MYSM1: variants seen among roughly 807,000 people sequenced by gnomAD.
The protein encoded by MYSM1 is deubiquitinase MYSM1.
Under a neutral mutation model 116.0 loss-of-function variants are expected in MYSM1, and 51 were observed. The observed-to-expected ratio is 0.44, with a 90% CI of 0.35 to 0.56. MYSM1 has a LOEUF of 0.56. Ranked by LOEUF, MYSM1 falls within the 20% of genes least tolerant of loss-of-function variation. The pLI is 0.00. For missense variants in MYSM1, 900 were observed against 974.9 expected, an observed-to-expected ratio of 0.92 and a Z score of 1.02; for synonymous variants, 313 against 315.2, an observed-to-expected ratio of 0.99 and a Z score of 0.07.
In MYSM1 at chr1:58,660,156, C is replaced by A; in HGVS notation, c.2329-1G>T. ...GAGTCTTCCTCATACACTCCAAAAG[C>A]TAGTTGAAAAGAAAAGTTTTATATT... On this transcript the variant is annotated splice_acceptor_variant, in intron 19 of 19. Transcript: ENST00000472487. LOFTEE classifies it high-confidence loss of function. 1.3e-6 allele frequency: 2 copies of A among 1,535,840 alleles called. No homozygotes were observed. The highest frequency in any genetic ancestry group is 2.5e-5 in the South Asian group (2 of 78,924).
At position 58,665,024 on chromosome 1, in the gene MYSM1, C is replaced by A. The variant is rs541187866; in HGVS notation, c.2164+475G>T. Among the ~76,000 whole-genome samples the A allele has an allele frequency of 5.1e-4, 77 of 152,270 alleles. 2 individuals are homozygous for A. The South Asian group carries it at 0.015, about 29-fold the overall frequency. On this transcript the variant is annotated intron_variant, in intron 17 of 19. Coordinates refer to ENST00000472487, the MANE Select transcript of MYSM1 (RefSeq NM_001085487.3). The stretch of plus-strand genomic sequence containing the variant: ...AAGTCAGATGATGGTCTATGCCAAC[C>A]AAATTCTTTCCTGAGATAGAATGGG...
At chr1:58,680,226 G>C (rs983757131) in intron 8 of MYSM1, among the ~76,000 whole-genome samples, 1 of 152,258 alleles carries the variant, frequency 6.6e-6, no homozygotes, top group Admixed American at 6.5e-5. Flanking sequence ...GAATAAAAGA[G>C]TGATTTACAG....
chr1:58,699,771 C>T (rs1266079952), intron 1 of MYSM1: 1 of 985,332 alleles, frequency 1.0e-6, no homozygotes, highest in Admixed American at 6.1e-5. Flanking sequence ...AAGGTGAAAG[C>T]GACCCAGGAG....
intron 5 of MYSM1, chr1:58,689,340 TA>T (rs998526805): frequency 2.2e-6 from 1 of 447,486 alleles, no homozygotes; most frequent in Non-Finnish European, 3.9e-6. Flanking sequence ...CCAAAAGACA[TA>T]ATCCTTGGGT....
chr1:58,689,137 T>G (rs1644869123), intron 5 of MYSM1, 21 bp from the exon 6 acceptor site: 2 of 1,575,618 alleles, frequency 1.3e-6, no homozygotes, highest in Non-Finnish European at 8.6e-7. Flanking sequence ...AAAAAGGAAT[T>G]GCAAAAAAAA....
Position 58,667,896 on chromosome 1 carries a change from A to C in MYSM1, c.1793T>G (p.Val598Gly). 1 of 1,612,864 alleles carries C rather than the reference A, an allele frequency of 6.2e-7. No individual in the cohort carries two copies. The change falls in exon 15 of 20, where the codon GTG becomes GGG. Residue 598 changes from valine (V) to glycine (G), a missense_variant. Around this residue, in one of 3 missense-constraint regions of MYSM1, gnomAD observed 92 missense variants for 155.0 expected, o/e 0.59. Transcript: ENST00000472487. ...DLHAHVSMAE[V>G]IGLLGGRYSE... ...GTATCTTCCTCCTAACAGACCAATC[A>C]CTTCTGCCATAGAAACATGAGCATG...
At position 58,682,170 on chromosome 1, in the gene MYSM1, A is replaced by G; in HGVS notation, c.874T>C (p.Ser292Pro). 6.2e-7 allele frequency: 1 copy of G among 1,612,496 alleles called. No individual in the cohort carries two copies. The highest frequency in any genetic ancestry group is 8.5e-7 in the Non-Finnish European group (1 of 1,178,750). The change falls in exon 8 of 20, where the codon TCA (serine) becomes CCA (proline). Residue 292 changes from serine (S) to proline (P), a missense_variant. This residue lies in a region of MYSM1 where 622 missense variants were observed against 623.7 expected (regional missense o/e 1.00). Coordinates refer to ENST00000472487, the MANE Select transcript of MYSM1 (RefSeq NM_001085487.3). ...NEKQDETLSS[S>P]EITLWTEKQS... is the part of the protein sequence containing the mutation. ...TTCTCAGTCCACAGTGTAATTTCTG[A>G]GCTTGAAAGTGTTTCATCTTGCTTT...
At chr1:58,668,893 T>A (rs1644513020) in intron 13 of MYSM1, 91 bp downstream of exon 13, 2 of 1,040,310 alleles carry the variant, frequency 1.9e-6, no homozygotes, top group Admixed American at 5.2e-5. Flanking sequence ...TTTATACATA[T>A]GCCTTGCACA....
chr1:58,665,121 AT>A (rs1275428731), intron 17 of MYSM1, among the ~76,000 whole-genome samples: 8 of 150,158 alleles, frequency 5.3e-5, no homozygotes, highest in Admixed American at 1.3e-4. Flanking sequence ...GCTGGTGGTC[AT>A]TTTTTTTTTC....
Position 58,669,058 on chromosome 1 carries a change from T to C in MYSM1, c.1662-20A>G, listed in dbSNP as rs781779934. On this transcript the variant is annotated intron_variant, in intron 12 of 19. Transcript: ENST00000472487. Reference sequence around the variant, plus strand: ...AACGAGCTGAAAAAGAAAAAAAATTTTCAATACAATCTCAACAAGATTAGG... The same window carrying C: ...AACGAGCTGAAAAAGAAAAAAAATTCTCAATACAATCTCAACAAGATTAGG... The C allele has an allele frequency of 1.3e-6, 2 of 1,535,680 alleles. No homozygotes were observed. The highest frequency in any genetic ancestry group is 2.4e-5 in the South Asian group (2 of 83,666).
At chr1:58,690,645 T>C (rs1644891804) in intron 3 of MYSM1, among the ~76,000 whole-genome samples, 2 of 151,486 alleles carry the variant, frequency 1.3e-5, no homozygotes, top group South Asian at 2.1e-4. Flanking sequence ...CACAAATTCG[T>C]AAACTTTCTT....
chr1:58,679,347 T>C (rs1644703109), intron 8 of MYSM1, among the ~76,000 whole-genome samples: 1 of 152,226 alleles, frequency 6.6e-6, no homozygotes, highest in African/African-American at 2.4e-5. Flanking sequence ...CTTAGGAAAC[T>C]ATTGCCATGT....
chr1:58,693,421 C>T (rs1359878353), intron 2 of MYSM1, among the ~76,000 whole-genome samples: 2 of 152,164 alleles, frequency 1.3e-5, no homozygotes, highest in African/African-American at 4.8e-5. Context: ...TCCGAGATTT[C>T]TACTTGGATA....
chr1:58,683,471 C>T (rs1456670504), intron 7 of MYSM1, among the ~76,000 whole-genome samples: 1 of 151,808 alleles, frequency 6.6e-6, no homozygotes, highest in Non-Finnish European at 1.5e-5. Flanking sequence ...TAATGTGATA[C>T]TTGAGAAAAA....
At chr1:58,661,267 A>G in intron 18 of MYSM1, 40 bp from the exon 19 acceptor site, 2 of 1,486,636 alleles carry the variant, frequency 1.3e-6, no homozygotes, top group Non-Finnish European at 1.9e-6. Context: ...TGAAACGAAT[A>G]CTATAAACTA....
chr1:58,696,229 T>A (rs1172845056), intron 1 of MYSM1, among the ~76,000 whole-genome samples: 1 of 152,198 alleles, frequency 6.6e-6, no homozygotes, highest in Non-Finnish European at 1.5e-5. Flanking sequence ...TTTGCTCAAG[T>A]AACTAGGTCT....
intron 7 of MYSM1, among the ~76,000 whole-genome samples, chr1:58,683,939 T>A (rs145805994): frequency 0.024 from 3,621 of 152,224 alleles, 49 homozygotes; most frequent in Non-Finnish European, 0.033. Context: ...CTACCCCAGG[T>A]CTTTGAGTAA....
At chr1:58,698,278 T>G (rs991981237) in intron 1 of MYSM1, among the ~76,000 whole-genome samples, 1 of 149,760 alleles carries the variant, frequency 6.7e-6, no homozygotes, top group Non-Finnish European at 1.5e-5. Flanking sequence ...TTTTTTGTAT[T>G]TTTAGTAGAG....
Position 58,681,817 on chromosome 1 carries a change from A to G in MYSM1, c.1227T>C (p.Tyr409=), listed in dbSNP as rs748200576. 1.3e-6 allele frequency: 2 copies of G among 1,589,446 alleles called. No homozygotes were observed. The highest frequency in any genetic ancestry group is 3.8e-5 in the Admixed American group (2 of 52,180). The change falls in exon 8 of 20, where the codon TAT becomes TAC. Residue 409 remains tyrosine (Y), a synonymous_variant. Coordinates refer to ENST00000472487, the MANE Select transcript of MYSM1 (RefSeq NM_001085487.3). The part of the protein sequence containing the change: ...EGRQAKTPER[Y]LKIRNYILDQ... ...CCAAAATATAATTTCTAATTTTCAA[A>G]TAGCGTTCTGGTGTTTTAGCTTGGC... is the stretch of plus-strand genomic sequence containing the variant.
Sources: gnomAD v4.1 joint callset for allele counts (sites outside exome capture counted in the v4.1 genomes callset) on GRCh38, gnomAD v4.1.1 for gene constraint, gnomAD v4.1.1 regional missense constraint, MANE v1.5 for transcripts, NCBI Gene and HGNC (gene_info 2026-07-23, HGNC 2026-07-21) for gene names.